MAML2: variants seen among roughly 807,000 people sequenced by gnomAD.
The protein encoded by MAML2 is mastermind-like protein 2.
Under a neutral mutation model 96.1 loss-of-function variants are expected in MAML2, and 22 were observed. That is an observed-to-expected ratio of 0.23 (90% CI 0.16 to 0.33). MAML2 has a LOEUF of 0.33. Ranked by LOEUF, MAML2 falls within the 10% of genes least tolerant of loss-of-function variation. The probability of loss-of-function intolerance (pLI) is 1.00; values close to 1 mark genes in which losing one functional copy is unlikely to be tolerated. For synonymous variants in MAML2, 561 were observed against 521.3 expected (o/e 1.08, Z -1.04); for missense variants, 1,367 against 1,392.4 (o/e 0.98, Z 0.29).
intron 1 of MAML2, among the ~76,000 whole-genome samples, chr11:96,334,064 C>T (rs1863886949): frequency 6.6e-6 from 1 of 152,142 alleles, no homozygotes; most frequent in South Asian, 2.1e-4. Flanking sequence ...TACTTGGTCC[C>T]ATTCTCAAGA....
intron 2 of MAML2, among the ~76,000 whole-genome samples, chr11:96,062,233 T>A (rs1859173348): frequency 6.6e-6 from 1 of 152,172 alleles, no homozygotes; most frequent in Non-Finnish European, 1.5e-5. Flanking sequence ...GATGTGGCAT[T>A]TATAATAAGT....
intron 1 of MAML2, among the ~76,000 whole-genome samples, chr11:96,207,917 C>T (rs1861916640): frequency 6.6e-6 from 1 of 152,114 alleles, no homozygotes; most frequent in African/African-American, 2.4e-5. Context: ...TTTAAGCCCT[C>T]ACTTCCTCTC....
chr11:96,296,950 A>G lies in MAML2; in HGVS notation c.513+44433T>C, dbSNP rs115993233. On this transcript the variant is annotated intron_variant, in intron 1 of 4. Coordinates refer to ENST00000524717, the MANE Select transcript of MAML2 (RefSeq NM_032427.4). ...CAGTCATTTAGTCTCCTGTAGAATT[A>G]TCATGTGAATTGAATCCTTACTGTG... Among the ~76,000 whole-genome samples, 1,298 of 152,340 alleles carry G rather than the reference A, an allele frequency of 8.5e-3. 23 individuals are homozygous for G. Among genetic ancestry groups the G allele is most frequent in the African/African-American group, 0.03 (1,231 of 41,578 alleles).
chr11:96,342,256 G>A lies in MAML2; in HGVS notation c.-361C>T. ...TACTTTGTAAACACACGATCTGGGGGTTAGATCAAGAATTCAGGGATTGTC... is the reference window on the plus strand; with the variant it reads ...TACTTTGTAAACACACGATCTGGGGATTAGATCAAGAATTCAGGGATTGTC... On this transcript the variant is annotated 5_prime_UTR_variant, in exon 1 of 5. Coordinates refer to ENST00000524717, the MANE Select transcript of MAML2 (RefSeq NM_032427.4). The A allele has an allele frequency of 2.3e-6, 1 of 439,050 alleles. No individual in the cohort carries two copies. 27.2% of individuals were successfully genotyped at this position (439,050 alleles called of 1,614,324 possible). A position where few individuals can be genotyped will look rare whatever the true frequency, so the allele number is the denominator to read the frequency against.
intron 1 of MAML2, among the ~76,000 whole-genome samples, chr11:96,114,628 T>A (rs1860202349): frequency 6.6e-6 from 1 of 152,184 alleles, no homozygotes; most frequent in African/African-American, 2.4e-5. Context: ...AGAAGTAGCA[T>A]CTAAAGTTTC....
intron 1 of MAML2, among the ~76,000 whole-genome samples, chr11:96,239,954 G>T (rs1862410638): frequency 6.6e-6 from 1 of 152,166 alleles, no homozygotes; most frequent in Admixed American, 6.5e-5. Flanking sequence ...TCTGAATAGG[G>T]TGGCTGTAGA....
At chr11:96,219,304 C>T (rs1437618910) in intron 1 of MAML2, among the ~76,000 whole-genome samples, 1 of 152,210 alleles carries the variant, frequency 6.6e-6, no homozygotes, top group Admixed American at 6.5e-5. Flanking sequence ...TCAATCTAAG[C>T]ACTTTCGGAT....
intron 1 of MAML2, among the ~76,000 whole-genome samples, chr11:96,278,114 C>A (rs1405484705): frequency 6.6e-6 from 1 of 152,118 alleles, no homozygotes; most frequent in African/African-American, 2.4e-5. Context: ...CCTTGAGAAC[C>A]ACTGCCTGGG....
At chr11:96,047,350 T>A (rs1350150639) in intron 2 of MAML2, among the ~76,000 whole-genome samples, 1 of 152,208 alleles carries the variant, frequency 6.6e-6, no homozygotes, top group Non-Finnish European at 1.5e-5. Context: ...CTCAAATCCT[T>A]GTTCTGTCAT....
chr11:96,065,888 C>A (rs1288790655), intron 2 of MAML2, among the ~76,000 whole-genome samples: 1 of 152,158 alleles, frequency 6.6e-6, no homozygotes, highest in African/African-American at 2.4e-5. Flanking sequence ...TGGGATAGGG[C>A]AGGCTCCCAG....
At chr11:96,046,908 G>T (rs1370631888) in intron 2 of MAML2, among the ~76,000 whole-genome samples, 1 of 152,202 alleles carries the variant, frequency 6.6e-6, no homozygotes, top group Admixed American at 6.5e-5. Flanking sequence ...AAAATGTTTA[G>T]TTGGCAGAAT....
At chr11:96,150,765 T>G (rs761260733) in intron 1 of MAML2, among the ~76,000 whole-genome samples, 4 of 152,180 alleles carry the variant, frequency 2.6e-5, no homozygotes, top group Admixed American at 6.5e-5. Flanking sequence ...AGTTCAGACC[T>G]GCTTTACCCT....
At chr11:96,197,818 A>T (rs1355589014) in intron 1 of MAML2, among the ~76,000 whole-genome samples, 1 of 152,232 alleles carries the variant, frequency 6.6e-6, no homozygotes, top group Non-Finnish European at 1.5e-5. Flanking sequence ...CTCTGAGGGG[A>T]TAGAAGTGAA....
rs548668803 is a variant in MAML2, at chr11:96,342,671, T to C, written c.-776A>G. 3 of 368,268 alleles carry C rather than the reference T, an allele frequency of 8.1e-6. No individual in the cohort carries two copies. The highest frequency in any genetic ancestry group is 1.5e-4 in the South Asian group (1 of 6,762). 22.8% of individuals were successfully genotyped at this position (368,268 alleles called of 1,614,324 possible). On this transcript the variant is annotated 5_prime_UTR_variant, in exon 1 of 5. Transcript: ENST00000524717. ...TTAACAATGTCAGTAATTGGACTTT[T>C]GGACCATGCTTTTTTCTTCAGCTAA...
At chr11:96,152,251 A>G (rs1402273632) in intron 1 of MAML2, among the ~76,000 whole-genome samples, 1 of 152,218 alleles carries the variant, frequency 6.6e-6, no homozygotes, top group Non-Finnish European at 1.5e-5. Context: ...GTAACTGCAT[A>G]TTGTTATCAA....
At chr11:96,166,154 G>GTCTCTC (rs752973631) in intron 1 of MAML2, among the ~76,000 whole-genome samples, 4,028 of 113,652 alleles carry the variant, frequency 0.035, 158 homozygotes, top group Middle Eastern at 0.048. Flanking sequence ...CTCTCTGTCT[G>GTCTCTC]TCTCTCTCTC....
chr11:96,021,308 T>G (rs1178745726), intron 2 of MAML2, among the ~76,000 whole-genome samples: 10 of 152,240 alleles, frequency 6.6e-5, no homozygotes, highest in Non-Finnish European at 1.2e-4. Context: ...CAGTGCTTAA[T>G]AAATATTTGT....
At chr11:96,024,977 G>A (rs1451803397) in intron 2 of MAML2, among the ~76,000 whole-genome samples, 2 of 152,140 alleles carry the variant, frequency 1.3e-5, no homozygotes, top group Non-Finnish European at 2.9e-5. Context: ...CAGCCACTAC[G>A]GAAAGCAGTT....
rs1180824520 is a variant in MAML2, at chr11:96,224,186, A to T, written c.513+117197T>A. On this transcript the variant is annotated intron_variant, in intron 1 of 4. Coordinates refer to ENST00000524717, the MANE Select transcript of MAML2 (RefSeq NM_032427.4). ...ACAGTCAGTACAAGAAAATACATGT[A>T]AATTACTTAGTAGATAGTAAATATA... 3.9e-5 allele frequency among the ~76,000 whole-genome samples: 6 copies of T among 152,324 alleles called. No individual in the cohort carries two copies. In the East Asian group the frequency reaches 1.2e-3, roughly 29 times the overall value.
Sources: gnomAD v4.1 joint callset for allele counts (sites outside exome capture counted in the v4.1 genomes callset) on GRCh38, gnomAD v4.1.1 for gene constraint, MANE v1.5 for transcripts, NCBI Gene and HGNC (gene_info 2026-07-23, HGNC 2026-07-21) for gene names.